Variants in SH2D4B observed in about 807,000 individuals in gnomAD.
SH2D4B encodes the protein SH2 domain containing 4B, also known as SH2 domain-containing protein 4B.
In SH2D4B, 45 loss-of-function variants were observed where a neutral mutation model predicts 61.5. The ratio of observed to expected loss-of-function variants is 0.73; its 90% confidence interval spans 0.58 to 0.94. SH2D4B has a LOEUF of 0.94. SH2D4B is among the 40% of genes least tolerant of loss of function. The pLI is 0.00. For missense variants in SH2D4B, 572 were observed against 574.2 expected (o/e 1.00, Z 0.04); for synonymous variants, 224 against 220.4 (o/e 1.02, Z -0.14).
intron 6 of SH2D4B, among the ~76,000 whole-genome samples, chr10:80,631,259 G>T (rs34964315): frequency 0.099 from 15,089 of 152,236 alleles, 1,490 homozygotes; most frequent in African/African-American, 0.25. Flanking sequence ...ATTTATTAAT[G>T]TATTTTTGAA....
chr10:80,605,458 A>G (rs1842508256), intron 5 of SH2D4B, among the ~76,000 whole-genome samples: 1 of 152,134 alleles, frequency 6.6e-6, no homozygotes, highest in African/African-American at 2.4e-5. Flanking sequence ...TGATTTTCAT[A>G]TGAAATTTTT....
rs1404712931 is a variant in SH2D4B at position 80,645,362 on chromosome 10, T to C, written c.*1277T>C. On this transcript the variant is annotated 3_prime_UTR_variant, in exon 8 of 8. Coordinates refer to ENST00000646907, the MANE Select transcript of SH2D4B (RefSeq NM_001388272.1). Reference sequence around the variant, plus strand: ...GTGGGTTCTGCTCTTCCTCCCTATGTTGATCAGTGTCATGTGAGCATAAGC... The same window carrying C: ...GTGGGTTCTGCTCTTCCTCCCTATGCTGATCAGTGTCATGTGAGCATAAGC... 6.6e-6 allele frequency: 1 copy of C among 152,242 alleles called. No individual in the cohort carries two copies. The highest frequency in any genetic ancestry group is 1.5e-5 in the Non-Finnish European group (1 of 68,062). 9.4% of individuals were successfully genotyped at this position (152,242 alleles called of 1,614,324 possible). A position where few individuals can be genotyped will look rare whatever the true frequency, so the allele number is the denominator to read the frequency against.
intron 6 of SH2D4B, 61 bp downstream of exon 6, chr10:80,609,612 G>A: frequency 6.2e-7 from 1 of 1,610,330 alleles, no homozygotes; most frequent in Non-Finnish European, 8.5e-7. Context: ...TCTCTCTGGG[G>A]TTGGGGAGGG....
rs1564531082 is a variant in SH2D4B at position 80,634,344 on chromosome 10, C to A, written c.1048C>A (p.Leu350Met). The change falls in exon 7 of 8, where the codon CTG (leucine) becomes ATG (methionine). Residue 350 changes from leucine (L) to methionine (M), a missense_variant. Transcript: ENST00000646907. ...GGAGAACATGACTGAGGGAGCATTC[C>A]TGGTCCGGGTCAGTGAGAAAATCTG... ...LLENMTEGAFLVRVSEKIWGY... is the reference protein window; with the variant it reads ...LLENMTEGAFMVRVSEKIWGY... 6.5e-7 allele frequency: 1 copy of A among 1,549,896 alleles called. No individual in the cohort carries two copies. Among genetic ancestry groups the A allele is most frequent in the East Asian group, 2.4e-5 (1 of 40,896 alleles).
intron 6 of SH2D4B, among the ~76,000 whole-genome samples, chr10:80,625,560 T>A (rs1202908843): frequency 6.6e-6 from 1 of 151,314 alleles, no homozygotes; most frequent in Non-Finnish European, 1.5e-5. Flanking sequence ...GGTTTTGAAT[T>A]TTTTTTCTTT....
chr10:80,585,784 G>A (rs1842238592), intron 3 of SH2D4B, among the ~76,000 whole-genome samples: 3 of 152,188 alleles, frequency 2.0e-5, no homozygotes, highest in Non-Finnish European at 4.4e-5. Context: ...CGGCACTTGA[G>A]GAGCCTTTCA....
At chr10:80,594,999 G>A (rs74751373) in intron 4 of SH2D4B, among the ~76,000 whole-genome samples, 18,185 of 151,570 alleles carry the variant, frequency 0.12, 1,236 homozygotes, top group East Asian at 0.25. Flanking sequence ...ATCAAATGCT[G>A]GAAAAGGAAT....
At chr10:80,571,199 T>C (rs1024582445) in intron 2 of SH2D4B, among the ~76,000 whole-genome samples, 3 of 152,188 alleles carry the variant, frequency 2.0e-5, no homozygotes, top group African/African-American at 7.2e-5. Context: ...TACGCTTGAG[T>C]GAGTGTAGAA....
Position 80,642,634 on chromosome 10 carries a change from G to A in SH2D4B, c.1210-1359G>A, listed in dbSNP as rs143728373. On this transcript the variant is annotated intron_variant, in intron 7 of 7. Coordinates refer to ENST00000646907, the MANE Select transcript of SH2D4B (RefSeq NM_001388272.1). Reference sequence around the variant, plus strand: ...TTGTAAATGCCATGTGGAATTCCATGGTATGGATGCATATTACAGTTTAAT... The same window carrying A: ...TTGTAAATGCCATGTGGAATTCCATAGTATGGATGCATATTACAGTTTAAT... 3.6e-3 allele frequency among the ~76,000 whole-genome samples: 548 copies of A among 152,290 alleles called. 2 individuals carry two copies. Among genetic ancestry groups the A allele is most frequent in the African/African-American group, 0.012 (513 of 41,546 alleles).
At chr10:80,629,615 C>A (rs2132158487) in intron 6 of SH2D4B, among the ~76,000 whole-genome samples, 1 of 152,270 alleles carries the variant, frequency 6.6e-6, no homozygotes, top group East Asian at 1.9e-4. Context: ...GTGACCATTG[C>A]AGCTACCAGC....
At chr10:80,562,352 A>T (rs530203384) in intron 1 of SH2D4B, among the ~76,000 whole-genome samples, 7 of 152,296 alleles carry the variant, frequency 4.6e-5, no homozygotes, top group African/African-American at 1.2e-4. Context: ...CAAATATCAA[A>T]ATCAGTTTTT....
At chr10:80,579,172 T>C (rs568867733) in intron 3 of SH2D4B, among the ~76,000 whole-genome samples, 60 of 152,210 alleles carry the variant, frequency 3.9e-4, no homozygotes, top group African/African-American at 1.4e-3. Context: ...GCTCACTTTC[T>C]GCAGCTCATG....
At chr10:80,579,927 A>G (rs1348901024) in intron 3 of SH2D4B, among the ~76,000 whole-genome samples, 1 of 152,178 alleles carries the variant, frequency 6.6e-6, no homozygotes, top group Non-Finnish European at 1.5e-5. Flanking sequence ...GGGGATCATC[A>G]CAAACCCTGT....
At chr10:80,629,593 C>G (rs1842807264) in intron 6 of SH2D4B, among the ~76,000 whole-genome samples, 1 of 152,144 alleles carries the variant, frequency 6.6e-6, no homozygotes, top group East Asian at 1.9e-4. Flanking sequence ...GGGGACACAG[C>G]CTGACAGTCC....
chr10:80,576,409 AT>A (rs1283402568), intron 3 of SH2D4B, among the ~76,000 whole-genome samples: 3 of 152,206 alleles, frequency 2.0e-5, no homozygotes, highest in African/African-American at 7.2e-5. Context: ...GCATATCTTC[AT>A]TTTGAAGAGC....
At position 80,546,989 on chromosome 10, in the gene SH2D4B, T is replaced by C. The variant is rs1241639370; in HGVS notation, c.184+8474T>C. On this transcript the variant is annotated intron_variant, in intron 1 of 7. Transcript: ENST00000646907. ...CAAGGATGGTAACCTCAGATTTTAG[T>C]TGATTTTGTTTACATTATGTATTTC... Among the ~76,000 whole-genome samples the C allele has an allele frequency of 2.6e-5, 4 of 152,376 alleles. No individual in the cohort carries two copies. In the East Asian group the frequency reaches 7.7e-4, roughly 29 times the overall value.
chr10:80,643,886 C>A, intron 7 of SH2D4B, 107 bp from the exon 8 acceptor site: 1 of 612,166 alleles, frequency 1.6e-6, no homozygotes, highest in Non-Finnish European at 2.6e-6. Flanking sequence ...TGAGAGGAGA[C>A]AAATGCATAT....
Position 80,566,993 on chromosome 10 carries a change from A to C in SH2D4B, c.185-3161A>C, listed in dbSNP as rs1288491186. On this transcript the variant is annotated intron_variant, in intron 1 of 7. Transcript: ENST00000646907. ...ACTGCTGTCTTGCGCATGTAGAAAA[A>C]CCTGAAATTTCAGTAGATTAATATG... Among the ~76,000 whole-genome samples, 4 of 152,166 alleles carry C rather than the reference A, an allele frequency of 2.6e-5. No individual in the cohort carries two copies. The South Asian group carries it at 8.3e-4, about 32-fold the overall frequency.
intron 6 of SH2D4B, among the ~76,000 whole-genome samples, chr10:80,625,554 T>C (rs976991361): frequency 1.3e-5 from 2 of 150,964 alleles, no homozygotes; most frequent in African/African-American, 4.9e-5. Context: ...ATTTTTGGTT[T>C]TGAATTTTTT....
Sources: gnomAD v4.1 joint callset for allele counts (sites outside exome capture counted in the v4.1 genomes callset) on GRCh38, gnomAD v4.1.1 for gene constraint, MANE v1.5 for transcripts, NCBI Gene and HGNC (gene_info 2026-07-23, HGNC 2026-07-21) for gene names.